The following SPAG9 variants were observed in gnomAD, a reference collection of about 807,000 sequenced individuals.
SPAG9 encodes the protein sperm associated antigen 9.
Under a neutral mutation model 166.5 loss-of-function variants are expected in SPAG9, and 35 were observed. The observed-to-expected ratio is 0.21, with a 90% confidence interval of 0.16 to 0.28. The LOEUF is 0.28. SPAG9 is among the 10% of genes least tolerant of loss of function. The pLI is 1.00. For missense variants in SPAG9, 1,235 were observed against 1,603.3 expected (o/e 0.77, Z 3.92); for synonymous variants, 534 against 565.5 (o/e 0.94, Z 0.79).
chr17:51,066,350 C>T (rs1395739658), intron 2 of SPAG9, among the ~76,000 whole-genome samples: 6 of 151,844 alleles, frequency 4.0e-5, no homozygotes, highest in Non-Finnish European at 7.4e-5. Flanking sequence ...GTCTCAAGCA[C>T]TCCTCCCGCC....
At chr17:50,970,583 G>A (rs1033971039) in intron 29 of SPAG9, 124 bp downstream of exon 29, 12 of 675,624 alleles carry the variant, frequency 1.8e-5, no homozygotes, top group African/African-American at 1.3e-4. Flanking sequence ...AAATCCTTTC[G>A]TGTGTAAAGA....
At chr17:51,012,425 T>G (rs1168769414) in intron 9 of SPAG9, among the ~76,000 whole-genome samples, 1 of 151,524 alleles carries the variant, frequency 6.6e-6, no homozygotes, top group Non-Finnish European at 1.5e-5. Flanking sequence ...CAAAAATTAG[T>G]CAGGCATGGT....
intron 4 of SPAG9, among the ~76,000 whole-genome samples, chr17:51,044,824 C>T (rs1055265034): frequency 6.6e-6 from 1 of 152,152 alleles, no homozygotes; most frequent in Admixed American, 6.5e-5. Flanking sequence ...GAACTACCAA[C>T]TTTTTGACAA....
intron 1 of SPAG9, among the ~76,000 whole-genome samples, chr17:51,093,499 G>A (rs1461667807): frequency 3.3e-5 from 5 of 151,758 alleles, no homozygotes; most frequent in African/African-American, 9.7e-5. Context: ...TCAGGAGATC[G>A]AGACCGTCCT....
intron 25 of SPAG9, among the ~76,000 whole-genome samples, chr17:50,981,588 AT>A (rs1974643481): frequency 6.6e-6 from 1 of 152,026 alleles, no homozygotes; most frequent in Admixed American, 6.6e-5. Flanking sequence ...CAAACACCAA[AT>A]GGTTGACTTT....
intron 8 of SPAG9, among the ~76,000 whole-genome samples, chr17:51,015,316 A>C (rs975839914): frequency 1.2e-4 from 18 of 152,126 alleles, no homozygotes; most frequent in Non-Finnish European, 2.6e-4. Context: ...AGGGAGGAAC[A>C]TGAAACAGAA....
chr17:51,042,400 T>C (rs1313611488), intron 4 of SPAG9: 3 of 152,204 alleles, frequency 2.0e-5, no homozygotes, highest in African/African-American at 4.8e-5. Context: ...AACACATCCT[T>C]TGTTGATGCA....
At chr17:51,009,178 T>A in intron 9 of SPAG9, 1 of 451,272 alleles carries the variant, frequency 2.2e-6, no homozygotes, top group Non-Finnish European at 4.4e-6. Flanking sequence ...TGAATGAGAA[T>A]CTCAATTAGA....
chr17:51,100,574 G>C (rs1190004978), intron 1 of SPAG9, among the ~76,000 whole-genome samples: 1 of 151,840 alleles, frequency 6.6e-6, no homozygotes, highest in Non-Finnish European at 1.5e-5. Flanking sequence ...CAAGGCTGCA[G>C]TGAGCCATAA....
intron 4 of SPAG9, among the ~76,000 whole-genome samples, chr17:51,045,213 C>A (rs1009258479): frequency 1.3e-5 from 2 of 152,164 alleles, no homozygotes; most frequent in African/African-American, 4.8e-5. Context: ...GCAGGCGCCG[C>A]ACAGCAGCTC....
At chr17:51,031,879 C>T (rs1258035103) in intron 5 of SPAG9, 157 bp from the exon 6 acceptor site, 1 of 705,382 alleles carries the variant, frequency 1.4e-6, no homozygotes, top group Non-Finnish European at 2.6e-6. Context: ...TTTATTTTGA[C>T]TTAAGCTGAC....
intron 29 of SPAG9, 72 bp downstream of exon 29, chr17:50,970,635 C>A: frequency 9.4e-6 from 12 of 1,281,684 alleles, no homozygotes; most frequent in Middle Eastern, 2.0e-4. Flanking sequence ...AGAGTGGTTT[C>A]TTATTTACTT....
rs375669520 is a variant in SPAG9, at chr17:50,995,232, G to A, written c.2059-8C>T. On this transcript the variant is annotated splice_region_variant and splice_polypyrimidine_tract_variant and intron_variant, in intron 17 of 29. Coordinates refer to ENST00000262013, the MANE Select transcript of SPAG9 (RefSeq NM_001130528.3). The stretch of plus-strand genomic sequence containing the variant: ...TCCAACAGCACACCACAGCTTCTCA[G>A]GTGAAAAAGAAAACAATATTAAGTC... The A allele has an allele frequency of 1.6e-5, 26 of 1,604,054 alleles. No homozygotes were observed. Among genetic ancestry groups the A allele is most frequent in the Non-Finnish European group, 2.1e-5 (25 of 1,177,120 alleles).
intron 9 of SPAG9, among the ~76,000 whole-genome samples, chr17:51,011,412 T>C (rs1299210010): frequency 1.3e-5 from 2 of 151,860 alleles, no homozygotes; most frequent in African/African-American, 2.4e-5. Context: ...AGACGGAGTT[T>C]TGCTTTGTCA....
At chr17:50,981,527 T>TAGATAGATAGAA (rs1555631099) in intron 25 of SPAG9, among the ~76,000 whole-genome samples, 21 of 107,368 alleles carry the variant, frequency 2.0e-4, no homozygotes, top group African/African-American at 4.9e-4. Context: ...GATAGATAGA[T>TAGATAGATAGAA]AGAAAGAAAG....
intron 2 of SPAG9, among the ~76,000 whole-genome samples, chr17:51,061,540 G>A (rs1409166502): frequency 6.7e-6 from 1 of 149,122 alleles, no homozygotes; most frequent in African/African-American, 2.5e-5. Context: ...AACCTGGGAG[G>A]TGGAGGTTGC....
At chr17:51,115,828 CAAAAAAAAAG>C (rs1345464687) in intron 1 of SPAG9, among the ~76,000 whole-genome samples, 22 of 144,550 alleles carry the variant, frequency 1.5e-4, no homozygotes, top group Non-Finnish European at 9.1e-5. Flanking sequence ...AACTCCATCT[CAAAAAAAAAG>C]AAAAGAAAAG....
intron 1 of SPAG9, among the ~76,000 whole-genome samples, chr17:51,088,667 G>A (rs1012679841): frequency 1.3e-5 from 2 of 152,104 alleles, no homozygotes; most frequent in African/African-American, 2.4e-5. Context: ...ACTTGGTGGC[G>A]GGCGCCTGTA....
At position 51,120,703 on chromosome 17, in the gene SPAG9, G is replaced by C; in HGVS notation, c.-47C>G. 2 of 1,492,152 alleles carry C rather than the reference G, an allele frequency of 1.3e-6. No individual in the cohort carries two copies. The highest frequency in any genetic ancestry group is 1.8e-6 in the Non-Finnish European group (2 of 1,111,536). 92.4% of individuals were successfully genotyped at this position (1,492,152 alleles called of 1,614,324 possible). A position where few individuals can be genotyped will look rare whatever the true frequency, so the allele number is the denominator to read the frequency against. ...CGGCCCGGGGCGTCGCCGGCAGAGG[G>C]GCGGCACCTGCCCGCACGGGACGGA... On this transcript the variant is annotated 5_prime_UTR_variant, in exon 1 of 30. Transcript: ENST00000262013. This position sits in a 1 kb window ranked among gnomAD's most constrained non-coding sequence, Gnocchi z 4.7.
Sources: gnomAD v4.1 joint callset for allele counts (sites outside exome capture counted in the v4.1 genomes callset) on GRCh38, gnomAD v4.1.1 for gene constraint, Gnocchi (gnomAD v3.1) non-coding constraint, MANE v1.5 for transcripts, NCBI Gene and HGNC (gene_info 2026-07-23, HGNC 2026-07-21) for gene names.